The following PRKG1 variants were observed in gnomAD, a reference collection of about 807,000 sequenced individuals.
PRKG1 encodes cGMP-dependent protein kinase 1.
A neutral mutation model predicts 88.1 loss-of-function variants in PRKG1; 35 were observed. The ratio of observed to expected loss-of-function variants is 0.40; its 90% CI spans 0.30 to 0.53. The LOEUF (loss-of-function observed/expected upper bound fraction) is 0.53, where lower values mean the gene tolerates loss of function less well. PRKG1 is among the 20% of genes least tolerant of loss of function. The probability of loss-of-function intolerance (pLI) is 0.59; values close to 1 mark genes in which losing one functional copy is unlikely to be tolerated. For missense variants in PRKG1, 540 were observed against 839.8 expected (o/e 0.64, Z 4.41); for synonymous variants, 303 against 292.5 (o/e 1.04, Z -0.37).
intron 9 of PRKG1, among the ~76,000 whole-genome samples, chr10:52,179,977 G>A (rs7476725): frequency 0.23 from 34,745 of 152,160 alleles, 5,890 homozygotes; most frequent in African/African-American, 0.48. Flanking sequence ...GTGAGCCACC[G>A]TGCCCAGCCT....
intron 9 of PRKG1, among the ~76,000 whole-genome samples, chr10:52,249,251 G>T (rs960461395): frequency 2.0e-5 from 3 of 151,268 alleles, no homozygotes; most frequent in Non-Finnish European, 2.9e-5. Context: ...CTCATCCTCA[G>T]ACTCACTGGA....
chr10:51,515,839 C>A (rs540352944), intron 3 of PRKG1, among the ~76,000 whole-genome samples: 4 of 152,276 alleles, frequency 2.6e-5, no homozygotes, highest in South Asian at 4.2e-4. Context: ...AACCGGCCGA[C>A]CACTTTGGTG....
At chr10:52,118,088 C>A (rs974485845) in intron 7 of PRKG1, among the ~76,000 whole-genome samples, 6 of 151,786 alleles carry the variant, frequency 4.0e-5, no homozygotes, top group Admixed American at 1.3e-4. Flanking sequence ...TTAAAAATTA[C>A]AAGAAAATAC....
At chr10:51,991,235 G>A (rs1844298251) in intron 5 of PRKG1, among the ~76,000 whole-genome samples, 1 of 151,996 alleles carries the variant, frequency 6.6e-6, no homozygotes, top group South Asian at 2.1e-4. Flanking sequence ...TGTTTTTAGT[G>A]GGGTCTTTAG....
chr10:52,084,862 TA>T (rs1846871915), intron 7 of PRKG1, among the ~76,000 whole-genome samples: 1 of 152,066 alleles, frequency 6.6e-6, no homozygotes, highest in African/African-American at 2.4e-5. Flanking sequence ...ATTCAGATGT[TA>T]TGTCGCTTAG....
chr10:51,360,411 A>C (rs1019236308), intron 2 of PRKG1, among the ~76,000 whole-genome samples: 12 of 152,042 alleles, frequency 7.9e-5, no homozygotes, highest in African/African-American at 2.9e-4. Flanking sequence ...AGTGAATTCA[A>C]CTGATATAAG....
At chr10:51,463,088 TTC>T (rs928152271) in intron 2 of PRKG1, among the ~76,000 whole-genome samples, 2 of 152,186 alleles carry the variant, frequency 1.3e-5, no homozygotes, top group African/African-American at 4.8e-5. Flanking sequence ...GAAAACAACT[TTC>T]TGATACTCTT....
At chr10:52,201,479 G>C (rs962578606) in intron 9 of PRKG1, among the ~76,000 whole-genome samples, 1 of 152,078 alleles carries the variant, frequency 6.6e-6, no homozygotes, top group Admixed American at 6.6e-5. Context: ...TTGAAGTCAA[G>C]TACTGTAATG....
At chr10:51,181,464 A>G (rs1224325542) in intron 2 of PRKG1, among the ~76,000 whole-genome samples, 1 of 149,458 alleles carries the variant, frequency 6.7e-6, no homozygotes, top group Non-Finnish European at 1.5e-5. Flanking sequence ...GATGGTCTCG[A>G]TCTCCTGACC....
intron 3 of PRKG1, among the ~76,000 whole-genome samples, chr10:51,564,266 G>T (rs1457907174): frequency 6.6e-6 from 1 of 151,824 alleles, no homozygotes; most frequent in Non-Finnish European, 1.5e-5. Context: ...ATGTACTAAT[G>T]GGAAAAAGCT....
chr10:51,166,569 C>G (rs1454364737), intron 2 of PRKG1, among the ~76,000 whole-genome samples: 1 of 152,164 alleles, frequency 6.6e-6, no homozygotes, highest in Non-Finnish European at 1.5e-5. Context: ...CTATCCTCTT[C>G]AAAGAAAATT....
intron 4 of PRKG1, among the ~76,000 whole-genome samples, chr10:51,902,816 C>G (rs77449262): frequency 0.029 from 4,431 of 152,236 alleles, 213 homozygotes; most frequent in African/African-American, 0.1. Context: ...GTCAGGTGAT[C>G]TCTAGAGAAT....
chr10:52,197,326 G>A (rs189593171), intron 9 of PRKG1, among the ~76,000 whole-genome samples: 161 of 152,282 alleles, frequency 1.1e-3, no homozygotes, highest in Non-Finnish European at 1.5e-3. Flanking sequence ...ATAAAAATAA[G>A]TAAACATGTC....
intron 3 of PRKG1, among the ~76,000 whole-genome samples, chr10:51,751,916 C>A (rs924102909): frequency 6.6e-6 from 1 of 151,936 alleles, no homozygotes; most frequent in African/African-American, 2.4e-5. Context: ...GGATGATAAA[C>A]AAATACTTGG....
intron 1 of PRKG1, among the ~76,000 whole-genome samples, chr10:51,045,363 C>T (rs1343569853): frequency 1.3e-5 from 2 of 151,644 alleles, no homozygotes; most frequent in African/African-American, 4.9e-5. Flanking sequence ...CCTCTGTCGC[C>T]CAGGCTGGAG....
rs773930476 is a variant in PRKG1, at chr10:51,666,646, A to G, written c.593-137939A>G. Among the ~76,000 whole-genome samples, 4 of 152,330 alleles carry G rather than the reference A, an allele frequency of 2.6e-5. No homozygotes were observed. In the Middle Eastern group the frequency reaches 0.01, roughly 389 times the overall value. On this transcript the variant is annotated intron_variant, in intron 3 of 17. Coordinates refer to ENST00000373980, the MANE Select transcript of PRKG1 (RefSeq NM_006258.4). ...CTGAGCTTTGCCAGAACAATACTTC[A>G]TATCATAAATCCACCCACATGGTAG...
chr10:51,378,825 A>G (rs775464721), intron 2 of PRKG1, among the ~76,000 whole-genome samples: 3 of 152,198 alleles, frequency 2.0e-5, no homozygotes, highest in Non-Finnish European at 4.4e-5. Flanking sequence ...GAAAGAATTC[A>G]TATTAGACAT....
rs77416827 is a variant in PRKG1, at chr10:51,533,339, T to C, written c.592+65503T>C. Reference sequence around the variant, plus strand: ...ACAGAAGATAGAACAACTGCTTTCCTCTATTTGGTAGATGAAGCAAGAGTC... The same window carrying C: ...ACAGAAGATAGAACAACTGCTTTCCCCTATTTGGTAGATGAAGCAAGAGTC... On this transcript the variant is annotated intron_variant, in intron 3 of 17. Coordinates refer to ENST00000373980, the MANE Select transcript of PRKG1 (RefSeq NM_006258.4). Among the ~76,000 whole-genome samples the C allele has an allele frequency of 2.6e-3, 396 of 152,354 alleles. 2 individuals carry two copies. The highest frequency in any genetic ancestry group is 8.9e-3 in the African/African-American group (371 of 41,588).
chr10:52,144,161 T>C (rs972213492), intron 8 of PRKG1, among the ~76,000 whole-genome samples: 20 of 152,084 alleles, frequency 1.3e-4, no homozygotes, highest in African/African-American at 4.8e-4. Context: ...AGGACCTGTA[T>C]AGAAGACAAG....
Sources: allele counts gnomAD v4.1 joint callset (sites outside exome capture counted in the v4.1 genomes callset), GRCh38; gene constraint gnomAD v4.1.1; transcripts MANE v1.5; gene names NCBI Gene and HGNC (gene_info 2026-07-23, HGNC 2026-07-21).